The following RAPGEF2 variants were observed in gnomAD, a reference collection of about 807,000 sequenced individuals.
RAPGEF2 encodes the protein PDZ domain containing guanine nucleotide exchange factor (GEF) 1.
Under a neutral mutation model 186.7 loss-of-function variants are expected in RAPGEF2, and 54 were observed. That is an observed-to-expected ratio of 0.29 (90% CI 0.23 to 0.36). RAPGEF2 has a LOEUF of 0.36. Ranked by LOEUF, RAPGEF2 falls within the 10% of genes least tolerant of loss-of-function variation. The pLI is 1.00. For missense variants in RAPGEF2, 1,532 were observed against 2,045.0 expected, an observed-to-expected ratio of 0.75 and a Z score of 4.84; for synonymous variants, 712 against 705.9, an observed-to-expected ratio of 1.01 and a Z score of -0.14.
intron 7 of RAPGEF2, among the ~76,000 whole-genome samples, chr4:159,254,276 A>G (rs866949882): frequency 6.6e-6 from 1 of 152,224 alleles, no homozygotes; most frequent in Admixed American, 6.5e-5. Flanking sequence ...ATCCTAAGAC[A>G]TCAGTTAGGT....
intron 7 of RAPGEF2, among the ~76,000 whole-genome samples, chr4:159,269,447 A>G (rs970384354): frequency 9.2e-5 from 14 of 152,016 alleles, no homozygotes; most frequent in African/African-American, 3.4e-4. Context: ...GACCAGCCCT[A>G]AACTTAATTT....
intron 7 of RAPGEF2, among the ~76,000 whole-genome samples, chr4:159,272,772 G>C (rs1048382424): frequency 5.3e-5 from 8 of 152,212 alleles, no homozygotes; most frequent in Non-Finnish European, 1.2e-4. Context: ...ATCACTGTTA[G>C]AGTAGACTGT....
At chr4:159,296,984 C>T (rs998624209) in intron 7 of RAPGEF2, among the ~76,000 whole-genome samples, 1 of 152,150 alleles carries the variant, frequency 6.6e-6, no homozygotes, top group Non-Finnish European at 1.5e-5. Context: ...ATTTATTTTC[C>T]TCATCGGGGT....
chr4:159,287,806 T>C (rs1188791376), intron 7 of RAPGEF2, among the ~76,000 whole-genome samples: 1 of 152,158 alleles, frequency 6.6e-6, no homozygotes, highest in African/African-American at 2.4e-5. Context: ...AAATCTAAAT[T>C]CTACTTTAAG....
chr4:159,112,254 A>C (rs1738578835), intron 1 of RAPGEF2, among the ~76,000 whole-genome samples: 1 of 152,212 alleles, frequency 6.6e-6, no homozygotes, highest in Admixed American at 6.5e-5. Context: ...TAATAGTGAC[A>C]ATGAAGAGAA....
intron 3 of RAPGEF2, among the ~76,000 whole-genome samples, chr4:159,209,006 T>G (rs1263658963): frequency 1.3e-5 from 2 of 152,086 alleles, no homozygotes; most frequent in African/African-American, 2.4e-5. Flanking sequence ...TTCTCCTGCC[T>G]CAGCCTCCCA....
At chr4:159,111,824 G>A (rs1037139175) in intron 1 of RAPGEF2, among the ~76,000 whole-genome samples, 3 of 152,078 alleles carry the variant, frequency 2.0e-5, no homozygotes, top group African/African-American at 7.2e-5. Flanking sequence ...GAAATAATGG[G>A]GAGAGATCCT....
intron 9 of RAPGEF2, among the ~76,000 whole-genome samples, chr4:159,317,897 A>G (rs1764788390): frequency 6.6e-6 from 1 of 152,184 alleles, no homozygotes; most frequent in African/African-American, 2.4e-5. Flanking sequence ...GAATCTGTTC[A>G]TTTTAAAATA....
chr4:159,193,178 C>T, intron 2 of RAPGEF2, 22 bp from the exon 3 acceptor site: 28 of 1,440,340 alleles, frequency 1.9e-5, no homozygotes, highest in Non-Finnish European at 2.6e-5. Flanking sequence ...ATGTTGAACT[C>T]ATGTTTTTAT....
chr4:159,353,682 C>A lies in RAPGEF2; in HGVS notation c.4287C>A (p.Ser1429Arg). The part of the protein sequence containing the change: ...DNIQTIQHQR[S>R]WETLPFGHTH... ...TACAGACGATCCAGCACCAGAGAAG[C>A]TGGGAGACTCTTCCATTCGGGCATA... Residue 1429 changes from serine to arginine, a missense_variant, in exon 28 of 30, where the codon AGC (serine) becomes AGA (arginine). Coordinates refer to ENST00000691494, the MANE Select transcript of RAPGEF2 (RefSeq NM_001394067.2). This position sits in a 1 kb window ranked among gnomAD's most constrained non-coding sequence, Gnocchi z 4.3. The A allele has an allele frequency of 6.3e-7, 1 of 1,589,766 alleles. No homozygotes were observed.
At chr4:159,127,210 A>G (rs1740425597) in intron 1 of RAPGEF2, among the ~76,000 whole-genome samples, 1 of 152,184 alleles carries the variant, frequency 6.6e-6, no homozygotes, top group Non-Finnish European at 1.5e-5. Context: ...TATTGTTGGT[A>G]GAGATGGAGT....
chr4:159,188,670 AAAAAAAAAGAAAAG>A (rs1015906093), intron 2 of RAPGEF2, among the ~76,000 whole-genome samples: 3 of 151,800 alleles, frequency 2.0e-5, no homozygotes, highest in African/African-American at 4.8e-5. Context: ...TCTCAAAAAA[AAAAAAAAAGAAAAG>A]AAAAAAAAGA....
chr4:159,154,637 T>C (rs1478107943), intron 1 of RAPGEF2, among the ~76,000 whole-genome samples: 2 of 152,164 alleles, frequency 1.3e-5, no homozygotes, highest in Non-Finnish European at 2.9e-5. Context: ...GTGCTGATAA[T>C]TTGTAAAATA....
chr4:159,121,260 A>G (rs959645990), intron 1 of RAPGEF2, among the ~76,000 whole-genome samples: 2 of 152,124 alleles, frequency 1.3e-5, no homozygotes, highest in East Asian at 1.9e-4. Flanking sequence ...GTACAGGGAA[A>G]AATGTACAGT....
chr4:159,105,100 C>T (rs886422185), intron 1 of RAPGEF2, among the ~76,000 whole-genome samples: 1 of 152,162 alleles, frequency 6.6e-6, no homozygotes, highest in Non-Finnish European at 1.5e-5. Flanking sequence ...TTGGTTGTCT[C>T]AAGTTTTACT....
At chr4:159,342,079 T>C in intron 20 of RAPGEF2, 132 bp downstream of exon 20, 1 of 910,290 alleles carries the variant, frequency 1.1e-6, no homozygotes, top group Admixed American at 2.8e-5. Context: ...ATTCTTTTTC[T>C]CTGAATCCTA....
chr4:159,295,771 G>GCC (rs1561230897), intron 7 of RAPGEF2, among the ~76,000 whole-genome samples: 1 of 146,562 alleles, frequency 6.8e-6, no homozygotes, highest in Non-Finnish European at 1.5e-5. Flanking sequence ...GCGCGCGCGC[G>GCC]CGCATGCACA....
At chr4:159,143,881 G>A (rs2111170401) in intron 1 of RAPGEF2, among the ~76,000 whole-genome samples, 1 of 152,308 alleles carries the variant, frequency 6.6e-6, no homozygotes, top group South Asian at 2.1e-4. Context: ...ATATGGCATT[G>A]GGTTGTCATG....
chr4:159,229,425 T>C (rs1283623162), intron 4 of RAPGEF2: 2 of 152,166 alleles, frequency 1.3e-5, no homozygotes, highest in Admixed American at 1.3e-4. Flanking sequence ...TTGACCCAAC[T>C]TGGGAGAGGA....
Sources: gnomAD v4.1 joint callset for allele counts (sites outside exome capture counted in the v4.1 genomes callset) on GRCh38, gnomAD v4.1.1 for gene constraint, Gnocchi (gnomAD v3.1) non-coding constraint, MANE v1.5 for transcripts, NCBI Gene and HGNC (gene_info 2026-07-23, HGNC 2026-07-21) for gene names.